The following SYT14 variants were observed in gnomAD, a reference collection of about 807,000 sequenced individuals.
The protein encoded by SYT14 is synaptotagmin-14.
SYT14 carries 32 observed loss-of-function variants against 74.2 expected under a neutral mutation model. The observed-to-expected ratio is 0.43, with a 90% CI of 0.33 to 0.58. SYT14 has a LOEUF of 0.58. SYT14 is among the 20% of genes least tolerant of loss of function. The pLI is 0.05. For missense variants in SYT14, 791 were observed against 981.8 expected (o/e 0.81, Z 2.60); for synonymous variants, 298 against 337.7 (o/e 0.88, Z 1.29).
chr1:210,118,083 C>T (rs1457076256), intron 7 of SYT14, among the ~76,000 whole-genome samples: 2 of 152,158 alleles, frequency 1.3e-5, no homozygotes, highest in Non-Finnish European at 2.9e-5. Context: ...ATGATACCAA[C>T]TTTAGTTGTT....
At chr1:209,995,461 C>T (rs1362955616) in intron 2 of SYT14, among the ~76,000 whole-genome samples, 1 of 152,192 alleles carries the variant, frequency 6.6e-6, no homozygotes, top group Non-Finnish European at 1.5e-5. Context: ...AGACACCAAA[C>T]ATTGGAGCAC....
chr1:209,955,294 G>A (rs749607809), intron 2 of SYT14, among the ~76,000 whole-genome samples: 1 of 152,048 alleles, frequency 6.6e-6, no homozygotes, highest in Non-Finnish European at 1.5e-5. Context: ...CGTTTAAAAT[G>A]CAAGTCTTGA....
chr1:210,160,343 G>C (rs1246761172), intron 9 of SYT14, among the ~76,000 whole-genome samples: 1 of 151,286 alleles, frequency 6.6e-6, no homozygotes, highest in Non-Finnish European at 1.5e-5. Context: ...AATTGAGCTT[G>C]CTAAGTGTTT....
At chr1:210,066,215 G>C (rs1276876709) in intron 5 of SYT14, among the ~76,000 whole-genome samples, 5 of 152,084 alleles carry the variant, frequency 3.3e-5, no homozygotes, top group Non-Finnish European at 5.9e-5. Context: ...ATAGCAGCAT[G>C]ATTTATAATC....
chr1:210,026,674 T>C (rs2080420748), intron 5 of SYT14, among the ~76,000 whole-genome samples: 1 of 151,512 alleles, frequency 6.6e-6, no homozygotes, highest in South Asian at 2.1e-4. Flanking sequence ...CTTTCTGTTA[T>C]AGCTATATCA....
intron 5 of SYT14, among the ~76,000 whole-genome samples, chr1:210,084,778 A>G (rs1486752158): frequency 6.6e-6 from 1 of 152,238 alleles, no homozygotes; most frequent in Non-Finnish European, 1.5e-5. Flanking sequence ...GCTCAATAAG[A>G]AGACTCCATC....
chr1:210,009,049 G>T (rs1461171398), intron 2 of SYT14, among the ~76,000 whole-genome samples: 1 of 152,102 alleles, frequency 6.6e-6, no homozygotes, highest in Non-Finnish European at 1.5e-5. Context: ...TAACTCATAA[G>T]ATTTTAACAA....
intron 1 of SYT14, among the ~76,000 whole-genome samples, chr1:209,950,504 G>T (rs2078895160): frequency 6.6e-6 from 1 of 152,104 alleles, no homozygotes; most frequent in East Asian, 1.9e-4. Flanking sequence ...TTTCACACTG[G>T]GGTTTTGCTG....
At chr1:210,121,609 A>G (rs917222665) in intron 7 of SYT14, among the ~76,000 whole-genome samples, 5 of 152,200 alleles carry the variant, frequency 3.3e-5, no homozygotes, top group African/African-American at 9.6e-5. Flanking sequence ...CCTGGCTAAC[A>G]TGGTGAAACT....
At chr1:210,135,610 G>A (rs1225897381) in intron 7 of SYT14, among the ~76,000 whole-genome samples, 1 of 151,838 alleles carries the variant, frequency 6.6e-6, no homozygotes, top group Non-Finnish European at 1.5e-5. Flanking sequence ...CCTTAATATG[G>A]GTTTTATTTT....
chr1:210,137,861 A>T (rs986285756), intron 7 of SYT14, among the ~76,000 whole-genome samples: 29 of 152,066 alleles, frequency 1.9e-4, no homozygotes, highest in African/African-American at 7.0e-4. Flanking sequence ...TTGTATTTTT[A>T]GTAGAGACGG....
At chr1:209,983,763 TC>T in intron 2 of SYT14, among the ~76,000 whole-genome samples, 1 of 152,224 alleles carries the variant, frequency 6.6e-6, no homozygotes, top group Non-Finnish European at 1.5e-5. Flanking sequence ...GGCCATACTT[TC>T]TTGTTTCTTT....
chr1:209,999,855 T>G (rs2079861866), intron 2 of SYT14, among the ~76,000 whole-genome samples: 1 of 152,170 alleles, frequency 6.6e-6, no homozygotes. Context: ...GCAGGGTGAC[T>G]AGTTAACAAC....
chr1:209,971,893 G>A (rs947774053), intron 2 of SYT14, among the ~76,000 whole-genome samples: 3 of 152,108 alleles, frequency 2.0e-5, no homozygotes, highest in African/African-American at 7.2e-5. Flanking sequence ...GGTGATGCTG[G>A]CTTCATAGAA....
chr1:210,074,425 A>G (rs927158206), intron 5 of SYT14, among the ~76,000 whole-genome samples: 18 of 152,206 alleles, frequency 1.2e-4, no homozygotes, highest in Non-Finnish European at 2.6e-4. Flanking sequence ...GCTCCTGTTA[A>G]GTACTGTATA....
chr1:210,021,462 C>G (rs1277563213), intron 5 of SYT14, among the ~76,000 whole-genome samples: 1 of 152,152 alleles, frequency 6.6e-6, no homozygotes, highest in Non-Finnish European at 1.5e-5. Context: ...AAGCAAAAAC[C>G]AAATAATTTA....
rs569905161 is a variant in SYT14 at position 210,145,932 on chromosome 1, A to T, written c.2035-9789A>T. Among the ~76,000 whole-genome samples, 15 of 152,304 alleles carry T rather than the reference A, an allele frequency of 9.8e-5. No homozygotes were observed. In the South Asian group the frequency reaches 2.9e-3, roughly 29 times the overall value. On this transcript the variant is annotated intron_variant, in intron 7 of 9. Transcript: ENST00000637265. ...TCATAGTCTGCCTTGAAATCAGTTC[A>T]TCTATTCCCTAGTACAGTGCTTGTG...
At chr1:209,998,197 A>G (rs905160086) in intron 2 of SYT14, among the ~76,000 whole-genome samples, 11 of 152,266 alleles carry the variant, frequency 7.2e-5, no homozygotes, top group African/African-American at 2.4e-4. Flanking sequence ...AGGCAATCAC[A>G]TTAACCACAG....
intron 5 of SYT14, among the ~76,000 whole-genome samples, chr1:210,071,039 A>G (rs2081384963): frequency 1.3e-5 from 2 of 150,132 alleles, no homozygotes. Flanking sequence ...TTTTTCCTTC[A>G]ACTGATTCTC....
Sources: gnomAD v4.1 joint callset for allele counts (sites outside exome capture counted in the v4.1 genomes callset) on GRCh38, gnomAD v4.1.1 for gene constraint, MANE v1.5 for transcripts, NCBI Gene and HGNC (gene_info 2026-07-23, HGNC 2026-07-21) for gene names.